The following ATF7IP variants were observed in gnomAD, a reference collection of about 807,000 sequenced individuals.
ATF7IP encodes the protein activating transcription factor 7-interacting protein 1.
Under a neutral mutation model 106.4 loss-of-function variants are expected in ATF7IP, and 23 were observed. The ratio of observed to expected loss-of-function variants is 0.22; its 90% CI spans 0.16 to 0.31. ATF7IP has a LOEUF of 0.31. Ranked by LOEUF, ATF7IP falls within the 10% of genes least tolerant of loss-of-function variation. The pLI is 1.00. For missense variants in ATF7IP, 1,334 were observed against 1,524.3 expected (o/e 0.88, Z 2.08); for synonymous variants, 542 against 539.0 (o/e 1.01, Z -0.08).
intron 13 of ATF7IP, among the ~76,000 whole-genome samples, chr12:14,494,331 A>ATGTG (rs1207326378): frequency 1.2e-3 from 110 of 90,548 alleles, no homozygotes; most frequent in East Asian, 2.2e-3. Flanking sequence ...ATATATATAT[A>ATGTG]TATGTGTGTG....
chr12:14,388,114 A>G (rs903722139), intron 1 of ATF7IP, among the ~76,000 whole-genome samples: 1 of 150,990 alleles, frequency 6.6e-6, no homozygotes, highest in Non-Finnish European at 1.5e-5. Flanking sequence ...CCTGGGTTCA[A>G]GCCATTCTCC....
At chr12:14,476,562 T>G (rs1944271054) in intron 11 of ATF7IP, 1 of 151,994 alleles carries the variant, frequency 6.6e-6, no homozygotes, top group African/African-American at 2.4e-5. Flanking sequence ...TGCAAAAAAA[T>G]CCTGTAATAC....
At chr12:14,454,494 A>G (rs1001953516) in intron 6 of ATF7IP, among the ~76,000 whole-genome samples, 7 of 152,190 alleles carry the variant, frequency 4.6e-5, no homozygotes, top group African/African-American at 1.7e-4. Context: ...TTTCTTAAAC[A>G]GTTGGATTCA....
chr12:14,498,183 A>G lies in ATF7IP; in HGVS notation c.*110A>G. The G allele has an allele frequency of 9.3e-7, 1 of 1,072,334 alleles. No individual in the cohort carries two copies. Among genetic ancestry groups the G allele is most frequent in the East Asian group, 2.4e-5 (1 of 41,916 alleles). The allele number at this position is 1,072,334 out of a possible 1,614,324, so 66.4% of individuals were successfully genotyped here. A position where few individuals can be genotyped will look rare whatever the true frequency, so the allele number is the denominator to read the frequency against. ...ATCCACCTTGTGCAAGATTTCTTGGACAGATGTGTGTATACACTACATTTG... is the reference window on the plus strand; with the variant it reads ...ATCCACCTTGTGCAAGATTTCTTGGGCAGATGTGTGTATACACTACATTTG... On this transcript the variant is annotated 3_prime_UTR_variant, in exon 15 of 15. Coordinates refer to ENST00000261168, the MANE Select transcript of ATF7IP (RefSeq NM_018179.5).
intron 8 of ATF7IP, among the ~76,000 whole-genome samples, chr12:14,459,332 T>TA (rs150700199): frequency 0.1 from 15,706 of 152,202 alleles, 1,000 homozygotes; most frequent in African/African-American, 0.18. Context: ...GTCTTATATG[T>TA]ACTGCCTATT....
intron 13 of ATF7IP, among the ~76,000 whole-genome samples, chr12:14,488,459 A>G (rs554784560): frequency 6.6e-6 from 1 of 152,176 alleles, no homozygotes; most frequent in South Asian, 2.1e-4. Flanking sequence ...TCTCCTTTTC[A>G]CGTTTTTCTG....
rs551984327 is a variant in ATF7IP at position 14,388,294 on chromosome 12, C to T, written c.-8+22467C>T. On this transcript the variant is annotated intron_variant, in intron 1 of 14. Coordinates refer to ENST00000261168, the MANE Select transcript of ATF7IP (RefSeq NM_018179.5). ...CGAACTCCTGACCTCAGGTGATCTG[C>T]CCGCCTTGGCCTCCCAAATTGCTGG... Among the ~76,000 whole-genome samples the T allele has an allele frequency of 1.9e-4, 29 of 152,028 alleles. 2 individuals are homozygous for T. The South Asian group carries it at 6.0e-3, about 32-fold the overall frequency.
Position 14,424,404 on chromosome 12 carries a change from G to A in ATF7IP, c.489G>A (p.Glu163=). The A allele has an allele frequency of 1.2e-6, 2 of 1,612,828 alleles. No homozygotes were observed. Among genetic ancestry groups the A allele is most frequent in the Non-Finnish European group, 8.5e-7 (1 of 1,179,494 alleles). ...CCTCTGGTGATCCCACCTCTAGCGA[G>A]CCCTCCTCTAGTGATGCTGCCTCTG... ...DSTSGDPTSS[E]PSSSDAASGD... Residue 163 remains glutamate, a synonymous_variant, in exon 2 of 15, where the codon GAG becomes GAA. Transcript: ENST00000261168.
In ATF7IP at chr12:14,474,483, G is replaced by A. The variant is rs529219323; in HGVS notation, c.2863-1407G>A. ...TCGCGCAATCTCAGCTCACTGCAAC[G>A]TCCGCCTCCCAGGTTCAAGCGATTC... On this transcript the variant is annotated intron_variant, in intron 10 of 14. Transcript: ENST00000261168. Among the ~76,000 whole-genome samples, 11 of 149,952 alleles carry A rather than the reference G, an allele frequency of 7.3e-5. No homozygotes were observed. In the South Asian group the frequency reaches 8.4e-4, roughly 11 times the overall value.
intron 6 of ATF7IP, among the ~76,000 whole-genome samples, chr12:14,451,638 A>C (rs1039931060): frequency 2.7e-5 from 4 of 150,874 alleles, no homozygotes; most frequent in African/African-American, 7.3e-5. Flanking sequence ...TTTAAACAGC[A>C]TGTTTAATTT....
chr12:14,378,199 G>A, intron 1 of ATF7IP, among the ~76,000 whole-genome samples: 1 of 150,684 alleles, frequency 6.6e-6, no homozygotes, highest in Non-Finnish European at 1.5e-5. Flanking sequence ...CAGGGTTCAA[G>A]CGATTCTCCT....
intron 3 of ATF7IP, among the ~76,000 whole-genome samples, 183 bp downstream of exon 3, chr12:14,434,606 A>G (rs541083326): frequency 1.3e-5 from 2 of 152,332 alleles, no homozygotes; most frequent in South Asian, 4.1e-4. Flanking sequence ...ATACACTTCA[A>G]TATTTTATTT....
intron 1 of ATF7IP, chr12:14,385,371 G>C (rs1591767732): frequency 2.0e-6 from 3 of 1,533,514 alleles, no homozygotes; most frequent in East Asian, 2.4e-5. Context: ...ATGTCAGTGA[G>C]GAGACTTGTC....
chr12:14,488,118 T>A (rs1944686479), intron 13 of ATF7IP, among the ~76,000 whole-genome samples: 1 of 152,030 alleles, frequency 6.6e-6, no homozygotes, highest in Admixed American at 6.6e-5. Context: ...AATATTCGGT[T>A]CTTCTAGACC....
intron 13 of ATF7IP, among the ~76,000 whole-genome samples, chr12:14,482,881 A>C (rs1944474028): frequency 6.6e-6 from 1 of 152,218 alleles, no homozygotes; most frequent in Non-Finnish European, 1.5e-5. Context: ...CCTTTGTACA[A>C]CCGGAAACAC....
At position 14,498,151 on chromosome 12, in the gene ATF7IP, A is replaced by C; in HGVS notation, c.*78A>C. On this transcript the variant is annotated 3_prime_UTR_variant, in exon 15 of 15. Coordinates refer to ENST00000261168, the MANE Select transcript of ATF7IP (RefSeq NM_018179.5). ...TTTTTAATCTTGTGCATGATACCCC[A>C]TGTAAAATCCACCTTGTGCAAGATT... The C allele has an allele frequency of 7.4e-7, 1 of 1,347,926 alleles. No homozygotes were observed. The highest frequency in any genetic ancestry group is 1.0e-6 in the Non-Finnish European group (1 of 989,538). 83.5% of individuals were successfully genotyped at this position (1,347,926 alleles called of 1,614,324 possible).
rs74068605 is a variant in ATF7IP, at chr12:14,472,350, C to T, written c.2863-3540C>T. Among the ~76,000 whole-genome samples the T allele has an allele frequency of 7.8e-3, 1,187 of 152,280 alleles. 17 individuals are homozygous for T. The highest frequency in any genetic ancestry group is 0.027 in the African/African-American group (1,130 of 41,564). On this transcript the variant is annotated intron_variant, in intron 10 of 14. Coordinates refer to ENST00000261168, the MANE Select transcript of ATF7IP (RefSeq NM_018179.5). Reference sequence around the variant, plus strand: ...ATGATTTTCATTTATAAATTAGTCACACATTTCTTTGTTATTTAGAAAATA... The same window carrying T: ...ATGATTTTCATTTATAAATTAGTCATACATTTCTTTGTTATTTAGAAAATA...
intron 1 of ATF7IP, among the ~76,000 whole-genome samples, chr12:14,380,125 A>AT (rs940590391): frequency 1.6e-4 from 24 of 151,188 alleles, no homozygotes; most frequent in African/African-American, 4.1e-4. Context: ...TGAGTTTTTC[A>AT]TTTTTTTCTA....
At chr12:14,432,719 T>C (rs1200974506) in intron 2 of ATF7IP, among the ~76,000 whole-genome samples, 1 of 152,224 alleles carries the variant, frequency 6.6e-6, no homozygotes, top group African/African-American at 2.4e-5. Context: ...AAAATCCTGA[T>C]GATTGGAGAA....
Sources: gnomAD v4.1 joint callset for allele counts (sites outside exome capture counted in the v4.1 genomes callset) on GRCh38, gnomAD v4.1.1 for gene constraint, MANE v1.5 for transcripts, NCBI Gene and HGNC (gene_info 2026-07-23, HGNC 2026-07-21) for gene names.